Variants in SV2A observed in about 807,000 individuals in gnomAD.
The protein encoded by SV2A is synaptic vesicle glycoprotein 2A.
A neutral mutation model predicts 78.0 loss-of-function variants in SV2A; 25 were observed. The ratio of observed to expected loss-of-function variants is 0.32; its 90% CI spans 0.23 to 0.45. The LOEUF (loss-of-function observed/expected upper bound fraction) is 0.45. Ranked by LOEUF, SV2A falls within the 20% of genes least tolerant of loss-of-function variation. The pLI, the probability that SV2A is intolerant of heterozygous loss-of-function variation, is 1.00. For synonymous variants in SV2A, 355 were observed against 384.7 expected (o/e 0.92, Z 0.90); for missense variants, 752 against 971.5 (o/e 0.77, Z 3.00).
intron 11 of SV2A, 44 bp from the exon 12 acceptor site, chr1:149,906,083 G>A (rs782105259): frequency 1.9e-6 from 3 of 1,607,338 alleles, no homozygotes; most frequent in East Asian, 4.5e-5. Flanking sequence ...TGGCCACAGT[G>A]AAACCCACCC....
rs1553763626 is a variant in SV2A at position 149,910,802 on chromosome 1, G to T, written c.955+24C>A. 6.2e-7 allele frequency: 1 copy of T among 1,612,584 alleles called. No homozygotes were observed. Among genetic ancestry groups the T allele is most frequent in the Non-Finnish European group, 8.5e-7 (1 of 1,178,736 alleles). On this transcript the variant is annotated intron_variant, in intron 4 of 12. Transcript: ENST00000369146. The surrounding 1 kb of genome is among the most constrained non-coding windows in gnomAD (Gnocchi z 4.2). The stretch of plus-strand genomic sequence containing the variant: ...AAGAGGGAGGAGGGAGATAACCTGG[G>T]GTGGATTTCCGGGGGCTGCTCACCA...
chr1:149,911,829 G>A lies in SV2A; in HGVS notation c.774C>T (p.Phe258=). 6.2e-7 allele frequency: 1 copy of A among 1,614,172 alleles called. No homozygotes were observed. Among genetic ancestry groups the A allele is most frequent in the Non-Finnish European group, 8.5e-7 (1 of 1,180,022 alleles). The change falls in exon 3 of 13, where the codon TTC becomes TTT. Residue 258 remains phenylalanine, a synonymous_variant. Transcript: ENST00000369146. ...FSSFVQGYGT[F]LFCRLLSGVG... ...CCCCAGAAAGTAGGCGGCAGAAGAG[G>A]AAAGTGCCGTAACCCTGGACAAAAG... is the stretch of plus-strand genomic sequence containing the variant.
rs1478963960 is a variant in SV2A, at chr1:149,907,982, CATAAA to C, written c.1544+55_1544+59del. The C allele has an allele frequency of 6.3e-6, 10 of 1,592,784 alleles. No homozygotes were observed. The Admixed American group carries it at 8.5e-5, about 14-fold the overall frequency. ...ATGTCTTGTCTTGAACCCCTAGACTCATAAAAGAGACGAGGTAGAAGGAACAGGGA... is the reference window on the plus strand; with the variant it reads ...ATGTCTTGTCTTGAACCCCTAGACTCAGAGACGAGGTAGAAGGAACAGGGA... On this transcript the variant is annotated intron_variant, in intron 9 of 12. Coordinates refer to ENST00000369146, the MANE Select transcript of SV2A (RefSeq NM_014849.5).
At chr1:149,907,637 G>T (rs182089772) in intron 10 of SV2A, 63 bp downstream of exon 10, 161 of 1,565,546 alleles carry the variant, frequency 1.0e-4, no homozygotes, top group South Asian at 6.4e-4. Context: ...AATGAAAAAG[G>T]TTCCTTCTCA....
At position 149,913,264 on chromosome 1, in the gene SV2A, C is replaced by G. The variant is rs1314400567; in HGVS notation, c.577G>C (p.Ala193Pro). 1 of 1,614,142 alleles carries G rather than the reference C, an allele frequency of 6.2e-7. No individual in the cohort carries two copies. The highest frequency in any genetic ancestry group is 8.5e-7 in the Non-Finnish European group (1 of 1,180,026). ...TCGGACAGGCACATGTCTTTCTCAGCGCTGGGCAGCACGAAGCCCACCACA... is the reference window on the plus strand; with the variant it reads ...TCGGACAGGCACATGTCTTTCTCAGGGCTGGGCAGCACGAAGCCCACCACA... ...VFVVGFVLPS[A>P]EKDMCLSDSN... Residue 193 changes from alanine (A) to proline (P), a missense_variant, in exon 2 of 13, where the codon GCT becomes CCT. This residue lies in a region of SV2A where 291 missense variants were observed against 359.5 expected (regional missense o/e 0.81). Coordinates refer to ENST00000369146, the MANE Select transcript of SV2A (RefSeq NM_014849.5).
Position 149,907,692 on chromosome 1 carries a change from C to A in SV2A, c.1678+8G>T. 1 of 1,611,836 alleles carries A rather than the reference C, an allele frequency of 6.2e-7. No individual in the cohort carries two copies. The highest frequency in any genetic ancestry group is 2.2e-5 in the East Asian group (1 of 44,872). ...TTGGTCTGACACCCACCAGCCACCC[C>A]GCCTTACCAGTGTTATAGAACACAG... On this transcript the variant is annotated splice_region_variant and intron_variant, in intron 10 of 12. Coordinates refer to ENST00000369146, the MANE Select transcript of SV2A (RefSeq NM_014849.5).
intron 7 of SV2A, 24 bp from the exon 8 acceptor site, chr1:149,909,304 G>A: frequency 6.2e-7 from 1 of 1,612,088 alleles, no homozygotes; most frequent in Non-Finnish European, 8.5e-7. Flanking sequence ...GACAAAGTCA[G>A]ACCTTGACTA....
rs587649813 is a variant in SV2A at position 149,913,507 on chromosome 1, G to C, written c.334C>G (p.Arg112Gly). The change falls in exon 2 of 13, where the codon CGG becomes GGG. Residue 112 changes from arginine (R) to glycine (G), a missense_variant. Physicochemically the swap from Arg to Gly is moderately radical, Grantham distance 125. This residue lies in a region of SV2A where 291 missense variants were observed against 359.5 expected (regional missense o/e 0.81). Coordinates refer to ENST00000369146, the MANE Select transcript of SV2A (RefSeq NM_014849.5). ...GCCAGGGGCGCCCCATCTGCCATCC[G>C]CTCGCCTTTGCCCCCAGACTCTGCC... ...PRAESGGKGE[R>G]MADGAPLAGV... 6.2e-7 allele frequency: 1 copy of C among 1,607,570 alleles called. No homozygotes were observed. The highest frequency in any genetic ancestry group is 1.1e-5 in the South Asian group (1 of 90,800).
intron 10 of SV2A, 154 bp from the exon 11 acceptor site, chr1:149,907,010 A>G: frequency 1.4e-6 from 2 of 1,462,354 alleles, no homozygotes; most frequent in Non-Finnish European, 1.8e-6. Context: ...AAATAACATC[A>G]CCATGGGAAC....
chr1:149,907,567 C>A (rs1379146406), intron 10 of SV2A, 133 bp downstream of exon 10: 1 of 1,090,304 alleles, frequency 9.2e-7, no homozygotes, highest in Non-Finnish European at 1.3e-6. Context: ...AGCTATCAGG[C>A]CCCTCTGCCA....
chr1:149,912,662 G>A (rs1443731952), intron 2 of SV2A, among the ~76,000 whole-genome samples: 16 of 151,966 alleles, frequency 1.1e-4, no homozygotes, highest in African/African-American at 2.7e-4. Flanking sequence ...GTGAGTCTAC[G>A]GGGTTCCTCC....
At chr1:149,912,249 C>T (rs587699771) in intron 2 of SV2A, among the ~76,000 whole-genome samples, 3 of 152,294 alleles carry the variant, frequency 2.0e-5, no homozygotes, top group African/African-American at 4.8e-5. Context: ...CACTCTGACA[C>T]ACACACAGTG....
chr1:149,910,039 C>T lies in SV2A; in HGVS notation c.1090-149G>A. ...CCACCACCAAGCCCTGACCTATGGG[C>T]ATGCACTCACCACTCTGAAAGAGCC... On this transcript the variant is annotated intron_variant, in intron 5 of 12. Coordinates refer to ENST00000369146, the MANE Select transcript of SV2A (RefSeq NM_014849.5). This position sits in a 1 kb window ranked among gnomAD's most constrained non-coding sequence, Gnocchi z 4.2. 4 of 700,758 alleles carry T rather than the reference C, an allele frequency of 5.7e-6. 1 individual carries two copies. The South Asian group carries it at 6.8e-5, about 12-fold the overall frequency. 43.4% of individuals were successfully genotyped at this position (700,758 alleles called of 1,614,324 possible). A position where few individuals can be genotyped will look rare whatever the true frequency, so the allele number is the denominator to read the frequency against.
At position 149,909,243 on chromosome 1, in the gene SV2A, T is replaced by C. The variant is rs1244674103; in HGVS notation, c.1328A>G (p.Tyr443Cys). The change falls in exon 8 of 13, where the codon TAT (tyrosine) becomes TGT (cysteine). Residue 443 changes from tyrosine (Y) to cysteine (C), a missense_variant. Physicochemically the swap from Tyr to Cys is radical, Grantham distance 194 (BLOSUM62 -2). Coordinates refer to ENST00000369146, the MANE Select transcript of SV2A (RefSeq NM_014849.5). ...GNFLSCFGPE[Y>C]RRITLMMMGV... ...CATCATCATCAGAGTGATGCGCCGA[T>C]ATTCGGGACCAAAACAGGAGAGAAA... The C allele has an allele frequency of 8.7e-6, 14 of 1,614,066 alleles. No individual in the cohort carries two copies. Among genetic ancestry groups the C allele is most frequent in the Non-Finnish European group, 1.2e-5 (14 of 1,180,014 alleles).
At chr1:149,915,211 T>C (rs1553764390) in intron 1 of SV2A, among the ~76,000 whole-genome samples, 1 of 152,194 alleles carries the variant, frequency 6.6e-6, no homozygotes, top group Non-Finnish European at 1.5e-5. Flanking sequence ...TCACAGTAGA[T>C]ACTCTATGTT....
In SV2A at chr1:149,910,984, T is replaced by C; in HGVS notation, c.804-7A>G. 1.2e-6 allele frequency: 2 copies of C among 1,612,198 alleles called. No individual in the cohort carries two copies. The highest frequency in any genetic ancestry group is 1.7e-6 in the Non-Finnish European group (2 of 1,179,158). ...GGGGATGGACCCTCCAATCCTGAAG[T>C]GCATTTCAAGAATTCAGCATTAGCA... On this transcript the variant is annotated splice_region_variant and splice_polypyrimidine_tract_variant and intron_variant, in intron 3 of 12. Transcript: ENST00000369146. The surrounding 1 kb of genome is among the most constrained non-coding windows in gnomAD (Gnocchi z 4.2).
At position 149,907,728 on chromosome 1, in the gene SV2A, T is replaced by C. The variant is rs146762889; in HGVS notation, c.1650A>G (p.Thr550=). Residue 550 remains threonine (T), a synonymous_variant, in exon 10 of 13, where the codon ACA becomes ACG. Coordinates refer to ENST00000369146, the MANE Select transcript of SV2A (RefSeq NM_014849.5). ...TSSNTFFRNC[T]FINTVFYNTD... The stretch of plus-strand genomic sequence containing the variant: ...TGTTATAGAACACAGTGTTGATGAA[T>C]GTGCAGTTGCGGAAAAACGTGTTGC... 25 of 1,614,046 alleles carry C rather than the reference T, an allele frequency of 1.5e-5. No individual in the cohort carries two copies. Among genetic ancestry groups the C allele is most frequent in the Non-Finnish European group, 2.1e-5 (25 of 1,180,028 alleles).
At position 149,904,864 on chromosome 1, in the gene SV2A, TGCACAC is replaced by T. The variant is rs782814796; in HGVS notation, c.*144_*149del. 754 of 856,366 alleles carry T rather than the reference TGCACAC, an allele frequency of 8.8e-4. 1 individual carries two copies. Among genetic ancestry groups the T allele is most frequent in the Non-Finnish European group, 7.3e-4 (408 of 561,822 alleles). 53.0% of individuals were successfully genotyped at this position (856,366 alleles called of 1,614,324 possible). A position where few individuals can be genotyped will look rare whatever the true frequency, so the allele number is the denominator to read the frequency against. ...TCCCTGCCCACGGGGTTTACACACA[TGCACAC>T]GCACACGCACACACAGCTAAGACAC... On this transcript the variant is annotated 3_prime_UTR_variant, in exon 13 of 13. Coordinates refer to ENST00000369146, the MANE Select transcript of SV2A (RefSeq NM_014849.5).
Sources: allele counts gnomAD v4.1 joint callset (sites outside exome capture counted in the v4.1 genomes callset), GRCh38; gene constraint gnomAD v4.1.1; regional missense constraint gnomAD v4.1.1; non-coding constraint Gnocchi (gnomAD v3.1); transcripts MANE v1.5; gene names NCBI Gene and HGNC (gene_info 2026-07-23, HGNC 2026-07-21).